Variants in EHBP1 observed in about 807,000 individuals in gnomAD.
EHBP1 encodes the protein EH domain-binding protein 1.
In EHBP1, 55 loss-of-function variants were observed where a neutral mutation model predicts 144.0. The observed-to-expected ratio is 0.38, with a 90% CI of 0.31 to 0.48. The LOEUF is 0.48. Ranked by LOEUF, EHBP1 falls within the 20% of genes least tolerant of loss-of-function variation. The pLI, the probability that EHBP1 is intolerant of heterozygous loss-of-function variation, is 0.98. For synonymous variants in EHBP1, 469 were observed against 472.7 expected, an observed-to-expected ratio of 0.99 and a Z score of 0.10; for missense variants, 1,200 against 1,364.2, an observed-to-expected ratio of 0.88 and a Z score of 1.90.
chr2:62,767,211 T>G (rs995478310), intron 4 of EHBP1, among the ~76,000 whole-genome samples: 1 of 152,158 alleles, frequency 6.6e-6, no homozygotes, highest in African/African-American at 2.4e-5. Flanking sequence ...GGTATAAAAA[T>G]GAAGGCAGGG....
chr2:63,030,886 C>T (rs2061218985), intron 19 of EHBP1, among the ~76,000 whole-genome samples: 1 of 148,620 alleles, frequency 6.7e-6, no homozygotes, highest in Non-Finnish European at 1.5e-5. Flanking sequence ...ACCTCCGCCT[C>T]TTAGGTTCAA....
At chr2:62,980,414 A>G (rs1229851910) in intron 15 of EHBP1, among the ~76,000 whole-genome samples, 1 of 152,216 alleles carries the variant, frequency 6.6e-6, no homozygotes, top group Admixed American at 6.5e-5. Flanking sequence ...AATAGGCCAC[A>G]GACTAGTACT....
At chr2:62,719,640 AAAAC>A (rs2036018029) in intron 2 of EHBP1, among the ~76,000 whole-genome samples, 1 of 152,252 alleles carries the variant, frequency 6.6e-6, no homozygotes, top group Non-Finnish European at 1.5e-5. Context: ...AAATATTTGA[AAAAC>A]AAAATTGTAT....
intron 10 of EHBP1, among the ~76,000 whole-genome samples, chr2:62,935,767 C>T (rs1327184064): frequency 6.6e-6 from 1 of 152,042 alleles, no homozygotes; most frequent in African/African-American, 2.4e-5. Flanking sequence ...ATATTTCACC[C>T]TTGCAATATT....
rs541318432 is a variant in EHBP1 at position 62,957,732 on chromosome 2, G to A, written c.2460+2072G>A. Among the ~76,000 whole-genome samples, 169 of 124,640 alleles carry A rather than the reference G, an allele frequency of 1.4e-3. 1 individual carries two copies. The highest frequency in any genetic ancestry group is 2.8e-3 in the Admixed American group (26 of 9,388). The allele number at this position is 124,640 out of a possible 152,430, so 81.8% of individuals were successfully genotyped here. A position where few individuals can be genotyped will look rare whatever the true frequency, so the allele number is the denominator to read the frequency against. On this transcript the variant is annotated intron_variant, in intron 14 of 22. Coordinates refer to ENST00000431489, the MANE Select transcript of EHBP1 (RefSeq NM_001142616.3). ...GCGATCTCGGCTCACTGCAAGCTTC[G>A]CCTCCCGGGTTCACACCATTCTCCT...
chr2:62,981,483 G>T (rs2058969156), intron 15 of EHBP1, among the ~76,000 whole-genome samples: 1 of 152,170 alleles, frequency 6.6e-6, no homozygotes, highest in African/African-American at 2.4e-5. Flanking sequence ...TTTCCCAGTA[G>T]TGAGCAGATA....
intron 3 of EHBP1, among the ~76,000 whole-genome samples, chr2:62,748,067 A>G (rs1210618227): frequency 1.3e-5 from 2 of 152,118 alleles, no homozygotes; most frequent in Non-Finnish European, 2.9e-5. Flanking sequence ...GGACTGAGAC[A>G]GTAGCCTTGA....
chr2:62,714,059 G>A (rs1423120199), intron 2 of EHBP1, among the ~76,000 whole-genome samples: 1 of 151,986 alleles, frequency 6.6e-6, no homozygotes, highest in African/African-American at 2.4e-5. Flanking sequence ...GGCAAACTCT[G>A]GCCTGATCCA....
At chr2:62,919,970 C>T (rs1413893101) in intron 10 of EHBP1, among the ~76,000 whole-genome samples, 2 of 152,072 alleles carry the variant, frequency 1.3e-5, no homozygotes, top group Non-Finnish European at 2.9e-5. Flanking sequence ...AAAGGGAACA[C>T]AGCCTAAAGT....
chr2:62,842,777 T>TA (rs1264163681), intron 7 of EHBP1, among the ~76,000 whole-genome samples: 4 of 152,208 alleles, frequency 2.6e-5, no homozygotes, highest in South Asian at 2.1e-4. Context: ...CTCAATTAGA[T>TA]ACGGGTACTT....
chr2:63,035,179 T>C (rs2061401490), intron 19 of EHBP1, among the ~76,000 whole-genome samples: 1 of 152,082 alleles, frequency 6.6e-6, no homozygotes, highest in Non-Finnish European at 1.5e-5. Context: ...TGTAATGATG[T>C]ATTAGAAGAA....
chr2:62,754,705 G>C (rs778339822), intron 3 of EHBP1, among the ~76,000 whole-genome samples: 2 of 152,230 alleles, frequency 1.3e-5, no homozygotes, highest in African/African-American at 2.4e-5. Flanking sequence ...CCCTCCCGCA[G>C]CCTTGCTGCT....
Position 62,943,512 on chromosome 2 carries a change from G to A in EHBP1, c.1365-290G>A, listed in dbSNP as rs935483762. On this transcript the variant is annotated intron_variant, in intron 11 of 22. Transcript: ENST00000431489. ...TGTAATTCTTTACATTGACAACAAG[G>A]GATTACCTCATACTAAATTTGGTTG... Among the ~76,000 whole-genome samples, 56 of 151,996 alleles carry A rather than the reference G, an allele frequency of 3.7e-4. 1 individual carries two copies. The highest frequency in any genetic ancestry group is 2.6e-3 in the Admixed American group (39 of 15,256).
chr2:62,958,736 G>C (rs187207675), intron 14 of EHBP1, among the ~76,000 whole-genome samples: 1 of 152,022 alleles, frequency 6.6e-6, no homozygotes, highest in Non-Finnish European at 1.5e-5. Flanking sequence ...ATATTTACAA[G>C]AACATTAAAA....
At chr2:62,940,304 A>C (rs1012187959) in intron 10 of EHBP1, 1 of 244,168 alleles carries the variant, frequency 4.1e-6, no homozygotes, top group Admixed American at 3.9e-5. Context: ...CTATTTTAAT[A>C]AATTGATTAT....
intron 5 of EHBP1, among the ~76,000 whole-genome samples, chr2:62,819,188 T>A (rs545402256): frequency 6.6e-6 from 1 of 152,192 alleles, no homozygotes; most frequent in Non-Finnish European, 1.5e-5. Context: ...CCAAGGAATG[T>A]GGAGTTGCTT....
intron 10 of EHBP1, among the ~76,000 whole-genome samples, chr2:62,935,111 C>T (rs950895831): frequency 8.6e-5 from 13 of 151,968 alleles, no homozygotes; most frequent in African/African-American, 2.7e-4. Context: ...GGGTGGATCA[C>T]GAGGTCAAGA....
At chr2:62,846,170 C>G (rs1029367262) in intron 7 of EHBP1, among the ~76,000 whole-genome samples, 1 of 152,184 alleles carries the variant, frequency 6.6e-6, no homozygotes, top group African/African-American at 2.4e-5. Context: ...TGACACTAAA[C>G]ATAATCTAGC....
intron 1 of EHBP1, among the ~76,000 whole-genome samples, chr2:62,698,543 C>A (rs927306132): frequency 1.3e-5 from 2 of 152,198 alleles, no homozygotes; most frequent in African/African-American, 4.8e-5. Flanking sequence ...ACCTGACTTG[C>A]TCAACACTTG....
Sources: allele counts gnomAD v4.1 joint callset (sites outside exome capture counted in the v4.1 genomes callset), GRCh38; gene constraint gnomAD v4.1.1; transcripts MANE v1.5; gene names NCBI Gene and HGNC (gene_info 2026-07-23, HGNC 2026-07-21).